The following ZNF317 variants were observed in gnomAD, a reference collection of about 807,000 sequenced individuals.
ZNF317 encodes KRAB-containing zinc finger protein 317.
In ZNF317, 17 loss-of-function variants were observed where a neutral mutation model predicts 23.4. The observed-to-expected ratio is 0.73, with a 90% confidence interval of 0.50 to 1.09. ZNF317 has a LOEUF of 1.09. ZNF317 is among the 50% of genes least tolerant of loss of function. The pLI is 0.00. For missense variants in ZNF317, 679 were observed against 796.7 expected (o/e 0.85, Z 1.78); for synonymous variants, 317 against 314.9 (o/e 1.01, Z -0.07).
intron 1 of ZNF317, among the ~76,000 whole-genome samples, chr19:9,143,077 T>C (rs1304330293): frequency 1.3e-5 from 2 of 152,198 alleles, no homozygotes; most frequent in Non-Finnish European, 2.9e-5. Flanking sequence ...CTTTTAAGGT[T>C]TGTGGGGCAT....
At chr19:9,153,538 G>A (rs2050755391) in intron 1 of ZNF317, among the ~76,000 whole-genome samples, 1 of 152,120 alleles carries the variant, frequency 6.6e-6, no homozygotes, top group African/African-American at 2.4e-5. Flanking sequence ...AGTTCCTACT[G>A]GAACCTAAGT....
At chr19:9,141,930 C>G (rs987638574) in intron 1 of ZNF317, among the ~76,000 whole-genome samples, 1 of 152,054 alleles carries the variant, frequency 6.6e-6, no homozygotes. Flanking sequence ...CTCAGCCTCC[C>G]GAGTAGCTGG....
intron 1 of ZNF317, among the ~76,000 whole-genome samples, chr19:9,154,414 C>CT (rs137949244): frequency 1.7e-4 from 26 of 148,768 alleles, no homozygotes; most frequent in East Asian, 5.9e-4. Context: ...AAGAAACCCC[C>CT]TTTTTTTTTT....
At chr19:9,153,735 C>T (rs78005669) in intron 1 of ZNF317, among the ~76,000 whole-genome samples, 10,142 of 152,054 alleles carry the variant, frequency 0.067, 352 homozygotes, top group Middle Eastern at 0.13. Flanking sequence ...GTAGAGGAGC[C>T]GAGAATAGAG....
Position 9,160,291 on chromosome 19 carries a change from T to G in ZNF317, c.646T>G (p.Tyr216Asp), listed in dbSNP as rs1382482507. ...RPHLTQHMSM[Y>D]DGRKMHECHQ... ...GCACCTCACTCAGCACATGAGCATGTACGACGGGAGAAAAATGCATGAATG... is the reference window on the plus strand; with the variant it reads ...GCACCTCACTCAGCACATGAGCATGGACGACGGGAGAAAAATGCATGAATG... Residue 216 changes from tyrosine (Y) to aspartate (D), a missense_variant, in exon 7 of 7, where the codon TAC (tyrosine) becomes GAC (aspartate). Transcript: ENST00000247956. The surrounding 1 kb of genome is among the most constrained non-coding windows in gnomAD (Gnocchi z 6.8). 1 of 1,614,154 alleles carries G rather than the reference T, an allele frequency of 6.2e-7. No individual in the cohort carries two copies. Among genetic ancestry groups the G allele is most frequent in the Non-Finnish European group, 8.5e-7 (1 of 1,180,026 alleles).
intron 1 of ZNF317, among the ~76,000 whole-genome samples, chr19:9,146,513 C>A (rs1217477473): frequency 6.6e-6 from 1 of 151,286 alleles, no homozygotes; most frequent in African/African-American, 2.4e-5. Context: ...CTGCAACCTC[C>A]GCCTCTCAGG....
Position 9,160,760 on chromosome 19 carries a change from G to A in ZNF317, c.1115G>A (p.Arg372His), listed in dbSNP as rs746935577. 2.5e-6 allele frequency: 4 copies of A among 1,613,956 alleles called. No homozygotes were observed. Among genetic ancestry groups the A allele is most frequent in the East Asian group, 2.2e-5 (1 of 44,868 alleles). Reference sequence around the variant, plus strand: ...TGCACGCAGTGCGGCAAAGCCTTCCGCTGGAAGTCCAACTTTAATTTGCAC... The same window carrying A: ...TGCACGCAGTGCGGCAAAGCCTTCCACTGGAAGTCCAACTTTAATTTGCAC... ...YACTQCGKAFRWKSNFNLHKK... is the reference protein window; with the variant it reads ...YACTQCGKAFHWKSNFNLHKK... Residue 372 changes from arginine to histidine, a missense_variant, in exon 7 of 7, where the codon CGC (arginine) becomes CAC (histidine). By Grantham distance (29) the Arg-to-His change is conservative. Transcript: ENST00000247956. This position sits in a 1 kb window ranked among gnomAD's most constrained non-coding sequence, Gnocchi z 6.8.
Position 9,144,066 on chromosome 19 carries a change from G to A in ZNF317, c.-93+3474G>A, listed in dbSNP as rs185560155. 6.0e-5 allele frequency among the ~76,000 whole-genome samples: 9 copies of A among 150,556 alleles called. No individual in the cohort carries two copies. The East Asian group carries it at 1.4e-3, about 23-fold the overall frequency. ...TGCCCAGGCTGGAGTGCAATGGCGC[G>A]ATCTTGGCTCACTGCAACCTCCACC... On this transcript the variant is annotated intron_variant, in intron 1 of 6. Coordinates refer to ENST00000247956, the MANE Select transcript of ZNF317 (RefSeq NM_020933.5).
chr19:9,160,885 G>T lies in ZNF317; in HGVS notation c.1240G>T (p.Val414Phe). 1.2e-6 allele frequency: 2 copies of T among 1,614,192 alleles called. No individual in the cohort carries two copies. The highest frequency in any genetic ancestry group is 1.7e-6 in the Non-Finnish European group (2 of 1,180,038). The change falls in exon 7 of 7, where the codon GTC (valine) becomes TTC (phenylalanine). Residue 414 changes from valine to phenylalanine, a missense_variant. By Grantham distance (50) the Val-to-Phe change is conservative (BLOSUM62 -1). Transcript: ENST00000247956. This position sits in a 1 kb window ranked among gnomAD's most constrained non-coding sequence, Gnocchi z 6.8. Reference sequence around the variant, plus strand: ...GAGGAAACACATGAGGATTCACATCGTCAAGAAACCCGTGGAATGTCGGCA... The same window carrying T: ...GAGGAAACACATGAGGATTCACATCTTCAAGAAACCCGTGGAATGTCGGCA... ...SRRKHMRIHI[V>F]KKPVECRQCG...
At chr19:9,157,685 T>A (rs990979366) in intron 4 of ZNF317, 6,365 of 235,556 alleles carry the variant, frequency 0.027, 20 homozygotes, top group Non-Finnish European at 0.029. Context: ...CTATTTCTTT[T>A]TTTTTTTTTT....
chr19:9,150,269 C>T (rs1225487555), intron 1 of ZNF317, among the ~76,000 whole-genome samples: 2 of 152,170 alleles, frequency 1.3e-5, no homozygotes, highest in Admixed American at 6.5e-5. Flanking sequence ...ATTGTGAAAT[C>T]GTCAGTGGTC....
chr19:9,141,771 T>G (rs1250268561), intron 1 of ZNF317, among the ~76,000 whole-genome samples: 1 of 152,188 alleles, frequency 6.6e-6, no homozygotes, highest in Non-Finnish European at 1.5e-5. Context: ...TTACATCTTC[T>G]TTAATGCCTT....
In ZNF317 at chr19:9,157,969, C is replaced by T. The variant is rs1345996662; in HGVS notation, c.290-11C>T. 3.9e-6 allele frequency: 6 copies of T among 1,550,612 alleles called. No individual in the cohort carries two copies. The East Asian group carries it at 9.8e-5, about 25-fold the overall frequency. On this transcript the variant is annotated splice_polypyrimidine_tract_variant and intron_variant, in intron 4 of 6. Coordinates refer to ENST00000247956, the MANE Select transcript of ZNF317 (RefSeq NM_020933.5). The stretch of plus-strand genomic sequence containing the variant: ...GCCCTCCCTCAACCTGTGTCTTTCC[C>T]GTGAGTGTAGGGTATCAGGTCGGCA...
chr19:9,153,287 G>A (rs9653162), intron 1 of ZNF317, among the ~76,000 whole-genome samples: 23,401 of 151,944 alleles, frequency 0.15, 2,093 homozygotes, highest in Non-Finnish European at 0.19. Flanking sequence ...TCAGCCTCCC[G>A]AGTAGCTGGG....
At chr19:9,148,912 A>G (rs1036061521) in intron 1 of ZNF317, among the ~76,000 whole-genome samples, 1 of 152,174 alleles carries the variant, frequency 6.6e-6, no homozygotes, top group Non-Finnish European at 1.5e-5. Context: ...GGGTCAAAAT[A>G]TAGACGACAG....
chr19:9,155,902 C>A, intron 1 of ZNF317, 23 bp from the exon 2 acceptor site: 2 of 1,327,942 alleles, frequency 1.5e-6, no homozygotes, highest in South Asian at 1.2e-5. Flanking sequence ...TCACTACTCC[C>A]GATGTTCTTT....
In ZNF317 at chr19:9,158,363, C is replaced by CTTTTTTTTTTTTTTTTTTTTTTTTTTTTT. The variant is rs200591339; in HGVS notation, c.385+316_385+317insTTTTTTTTTTTTTTTTTTTTTTTTTTTTT. Among the ~76,000 whole-genome samples, 33 of 76,494 alleles carry CTTTTTTTTTTTTTTTTTTTTTTTTTTTTT rather than the reference C, an allele frequency of 4.3e-4. 12 individuals carry two copies. The highest frequency in any genetic ancestry group is 1.3e-3 in the African/African-American group (20 of 15,630). 50.2% of individuals were successfully genotyped at this position (76,494 alleles called of 152,430 possible). The stretch of plus-strand genomic sequence containing the variant: ...CTGAATTGCCTTAAATTTCTTTTTT[C>CTTTTTTTTTTTTTTTTTTTTTTTTTTTTT]TTTTTTTTTTTTTTTTTTTTTTTTT... On this transcript the variant is annotated intron_variant, in intron 5 of 6. Transcript: ENST00000247956.
intron 3 of ZNF317, 179 bp from the exon 4 acceptor site, chr19:9,157,089 C>A: frequency 1.3e-6 from 1 of 745,110 alleles, no homozygotes; most frequent in Admixed American, 2.9e-5. Context: ...GACAAGATGG[C>A]CTCAATGGGG....
intron 1 of ZNF317, among the ~76,000 whole-genome samples, chr19:9,155,383 GA>G (rs1403975897): frequency 6.6e-6 from 1 of 152,208 alleles, no homozygotes; most frequent in African/African-American, 2.4e-5. Flanking sequence ...TCTCTAAAGT[GA>G]GAGTTGATGT....
Sources: allele counts gnomAD v4.1 joint callset (sites outside exome capture counted in the v4.1 genomes callset), GRCh38; gene constraint gnomAD v4.1.1; non-coding constraint Gnocchi (gnomAD v3.1); transcripts MANE v1.5; gene names NCBI Gene and HGNC (gene_info 2026-07-23, HGNC 2026-07-21).